LAMA2: variants seen among roughly 807,000 people sequenced by gnomAD.
LAMA2 encodes laminin subunit alpha-2.
A neutral mutation model predicts 364.8 loss-of-function variants in LAMA2; 269 were observed. That is an observed-to-expected ratio of 0.74 (90% CI 0.67 to 0.82). LAMA2 has a LOEUF of 0.82. Among genes scored for constraint, LAMA2 ranks in the 40% least tolerant of loss-of-function variants. The probability of loss-of-function intolerance (pLI) is 0.00; values close to 1 mark genes in which losing one functional copy is unlikely to be tolerated. For missense variants in LAMA2, 3,807 were observed against 3,873.2 expected (o/e 0.98, Z 0.45); for synonymous variants, 1,379 against 1,370.6 (o/e 1.01, Z -0.14).
At chr6:129,034,817 T>G (rs1786501838) in intron 1 of LAMA2, among the ~76,000 whole-genome samples, 1 of 152,222 alleles carries the variant, frequency 6.6e-6, no homozygotes, top group African/African-American at 2.4e-5. Flanking sequence ...TTATTTTTTA[T>G]GGCTGCACAG....
chr6:129,458,769 G>A (rs776443833), intron 48 of LAMA2, among the ~76,000 whole-genome samples: 3 of 151,968 alleles, frequency 2.0e-5, no homozygotes, highest in Non-Finnish European at 4.4e-5. Flanking sequence ...ATACCATAGA[G>A]CCTAGGTGTG....
intron 10 of LAMA2, among the ~76,000 whole-genome samples, chr6:129,188,470 G>A (rs893820489): frequency 1.3e-5 from 2 of 151,886 alleles, no homozygotes; most frequent in African/African-American, 4.8e-5. Context: ...TAAGAACACA[G>A]TATACAGAAC....
intron 12 of LAMA2, among the ~76,000 whole-genome samples, chr6:129,249,618 T>A (rs3778123): frequency 0.16 from 24,798 of 152,196 alleles, 2,232 homozygotes; most frequent in South Asian, 0.23. Flanking sequence ...CTTTTGTTTT[T>A]CTTTGACCAA....
Position 129,344,991 on chromosome 6 carries a change from G to A in LAMA2, c.4436+2524G>A, listed in dbSNP as rs1776465318. 4.6e-5 allele frequency among the ~76,000 whole-genome samples: 7 copies of A among 152,172 alleles called. No homozygotes were observed. The South Asian group carries it at 1.4e-3, about 31-fold the overall frequency. On this transcript the variant is annotated intron_variant, in intron 30 of 64. Transcript: ENST00000421865. ...AATCTGTCTCCCTAATTTGGGATATGGGGAAGGTTGCAAGGGGTCAGAAGG... is the reference window on the plus strand; with the variant it reads ...AATCTGTCTCCCTAATTTGGGATATAGGGAAGGTTGCAAGGGGTCAGAAGG...
chr6:129,452,977 T>C lies in LAMA2; in HGVS notation c.6430-11T>C. The C allele has an allele frequency of 6.2e-7, 1 of 1,611,090 alleles. No individual in the cohort carries two copies. Among genetic ancestry groups the C allele is most frequent in the Non-Finnish European group, 8.5e-7 (1 of 1,178,196 alleles). ...TTACTCTTGGTTCTTTGTATCTTGT[T>C]TTTTTTAAAGATCAAAGTATCTGTG... On this transcript the variant is annotated splice_polypyrimidine_tract_variant and intron_variant, in intron 45 of 64. Transcript: ENST00000421865.
At chr6:129,399,051 C>T (rs1471762814) in intron 37 of LAMA2, among the ~76,000 whole-genome samples, 1 of 152,144 alleles carries the variant, frequency 6.6e-6, no homozygotes, top group African/African-American at 2.4e-5. Flanking sequence ...ACAGGCTGTG[C>T]CTTTCTGCTA....
intron 1 of LAMA2, among the ~76,000 whole-genome samples, chr6:128,927,225 T>C (rs1057321906): frequency 1.3e-5 from 2 of 152,202 alleles, no homozygotes; most frequent in African/African-American, 4.8e-5. Flanking sequence ...CAAACTCTTT[T>C]CTTGATAACA....
intron 30 of LAMA2, among the ~76,000 whole-genome samples, chr6:129,346,008 C>T (rs889247039): frequency 6.6e-6 from 1 of 152,158 alleles, no homozygotes; most frequent in African/African-American, 2.4e-5. Context: ...TCAATCTGTG[C>T]AGTCAGTGAG....
At position 129,317,899 on chromosome 6, in the gene LAMA2, CT is replaced by C. The variant is rs200870111; in HGVS notation, c.4058+1740del. Among the ~76,000 whole-genome samples, 1,422 of 144,294 alleles carry C rather than the reference CT, an allele frequency of 9.9e-3. 22 individuals are homozygous for C. Among genetic ancestry groups the C allele is most frequent in the East Asian group, 0.074 (369 of 5,018 alleles). 94.7% of individuals were successfully genotyped at this position (144,294 alleles called of 152,430 possible). On this transcript the variant is annotated intron_variant, in intron 27 of 64. Transcript: ENST00000421865. ...ACCTTCCTACACTGTGACACTTTGTCTTTTTTTTTTTTCCCGCCCTATGTCT... is the reference window on the plus strand; with the variant it reads ...ACCTTCCTACACTGTGACACTTTGTCTTTTTTTTTTTCCCGCCCTATGTCT...
At chr6:129,163,597 C>T (rs181152430) in intron 8 of LAMA2, among the ~76,000 whole-genome samples, 422 of 152,254 alleles carry the variant, frequency 2.8e-3, no homozygotes, top group Non-Finnish European at 4.3e-3. Flanking sequence ...TGCACCAGTG[C>T]ACTTCAGCCT....
At chr6:128,908,366 G>C (rs967735011) in intron 1 of LAMA2, among the ~76,000 whole-genome samples, 1 of 151,804 alleles carries the variant, frequency 6.6e-6, no homozygotes, top group Non-Finnish European at 1.5e-5. Flanking sequence ...AGTCTTGGGA[G>C]AGTGTATGTG....
chr6:129,067,414 A>G (rs1310127701), intron 3 of LAMA2, among the ~76,000 whole-genome samples: 2 of 152,230 alleles, frequency 1.3e-5, no homozygotes, highest in Non-Finnish European at 2.9e-5. Flanking sequence ...TAAAATTATT[A>G]ATAAAGGTGA....
intron 40 of LAMA2, among the ~76,000 whole-genome samples, chr6:129,425,154 A>G (rs1781263703): frequency 6.6e-6 from 1 of 152,038 alleles, no homozygotes; most frequent in African/African-American, 2.4e-5. Context: ...GATTCAAAAG[A>G]AATGATGGAT....
intron 1 of LAMA2, among the ~76,000 whole-genome samples, chr6:129,021,219 T>C (rs1048586539): frequency 1.3e-5 from 2 of 152,206 alleles, no homozygotes; most frequent in African/African-American, 4.8e-5. Flanking sequence ...CAAATTACAA[T>C]ATCTTATGAA....
intron 32 of LAMA2, among the ~76,000 whole-genome samples, chr6:129,362,348 T>G (rs1777513658): frequency 6.6e-6 from 1 of 152,138 alleles, no homozygotes; most frequent in Admixed American, 6.5e-5. Context: ...CACACATCTG[T>G]GAGGTTTTCT....
intron 3 of LAMA2, among the ~76,000 whole-genome samples, chr6:129,089,102 A>G (rs1276758726): frequency 6.6e-6 from 1 of 152,274 alleles, no homozygotes; most frequent in African/African-American, 2.4e-5. Context: ...ACTCGCGGTT[A>G]GGAGCTGGAG....
At chr6:128,941,038 G>T (rs190420816) in intron 1 of LAMA2, among the ~76,000 whole-genome samples, 1,651 of 152,274 alleles carry the variant, frequency 0.011, 89 homozygotes, top group Admixed American at 0.099. Context: ...ATTTGTAGGG[G>T]TACAGAACCA....
Position 129,098,180 on chromosome 6 carries a change from A to G in LAMA2, c.404A>G (p.Gln135Arg). 6.2e-7 allele frequency: 1 copy of G among 1,614,124 alleles called. No individual in the cohort carries two copies. Among genetic ancestry groups the G allele is most frequent in the Non-Finnish European group, 8.5e-7 (1 of 1,179,976 alleles). ...GTTGTTATACTTCCCTAGGTGTTCC[A>G]GATCGCGTATGTGATTGTGAAGGCA... Reference protein sequence around the residue: ...TITLDLQQVFQIAYVIVKAAN... With the variant: ...TITLDLQQVFRIAYVIVKAAN... The change falls in exon 4 of 65, where the codon CAG (glutamine) becomes CGG (arginine). Residue 135 changes from glutamine to arginine, a missense_variant. Gln to Arg is a conservative substitution (Grantham distance 43). Around this residue, in one of 3 missense-constraint regions of LAMA2, gnomAD observed 394 missense variants for 403.5 expected, o/e 0.98. Transcript: ENST00000421865.
At chr6:129,356,110 G>T (rs757570284) in intron 32 of LAMA2, among the ~76,000 whole-genome samples, 1 of 152,082 alleles carries the variant, frequency 6.6e-6, no homozygotes, top group Non-Finnish European at 1.5e-5. Context: ...ACAGTTGCCA[G>T]TGACCCCTGG....
Sources: allele counts gnomAD v4.1 joint callset (sites outside exome capture counted in the v4.1 genomes callset), GRCh38; gene constraint gnomAD v4.1.1; regional missense constraint gnomAD v4.1.1; transcripts MANE v1.5; gene names NCBI Gene and HGNC (gene_info 2026-07-23, HGNC 2026-07-21).